DUOX1: variants seen among roughly 807,000 people sequenced by gnomAD.
The protein encoded by DUOX1 is NADPH thyroid oxidase 1.
In DUOX1, 134 loss-of-function variants were observed where a neutral mutation model predicts 181.8. The ratio of observed to expected loss-of-function variants is 0.74; its 90% CI spans 0.64 to 0.85. The LOEUF (loss-of-function observed/expected upper bound fraction) is 0.85. Among genes scored for constraint, DUOX1 ranks in the 40% least tolerant of loss-of-function variants. DUOX1 has a pLI of 0.00. For missense variants in DUOX1, 1,814 were observed against 2,064.4 expected (o/e 0.88, Z 2.35); for synonymous variants, 798 against 832.5 (o/e 0.96, Z 0.71).
intron 28 of DUOX1, among the ~76,000 whole-genome samples, chr15:45,158,732 A>C (rs1298969679): frequency 1.4e-5 from 2 of 138,000 alleles, no homozygotes; most frequent in African/African-American, 5.3e-5. Flanking sequence ...AAAAAAAAGC[A>C]GCTATCTGTG....
chr15:45,144,217 C>A lies in DUOX1; in HGVS notation c.2118C>A (p.Ile706=), dbSNP rs745746713. Residue 706 remains isoleucine (I), a synonymous_variant, in exon 17 of 34, where the codon ATC becomes ATA. Transcript: ENST00000389037. ...GACGCCGCACTCTGCTGCTCAAGAT[C>A]CCCAAGGAGTATGACCTGGTATGGC... is the stretch of plus-strand genomic sequence containing the variant. ...NRGRRTLLLK[I]PKEYDLVLLF... is the part of the protein sequence containing the mutation. The A allele has an allele frequency of 3.1e-6, 5 of 1,614,076 alleles. No individual in the cohort carries two copies. The highest frequency in any genetic ancestry group is 3.4e-6 in the Non-Finnish European group (4 of 1,180,052).
intron 12 of DUOX1, chr15:45,139,981 C>T: frequency 1.1e-6 from 1 of 947,504 alleles, no homozygotes; most frequent in South Asian, 1.3e-5. Flanking sequence ...CTGTTACACC[C>T]TGAGCTACCA....
intron 33 of DUOX1, among the ~76,000 whole-genome samples, chr15:45,164,465 C>CTT (rs367822535): frequency 7.1e-6 from 1 of 141,760 alleles, no homozygotes; most frequent in African/African-American, 2.6e-5. Flanking sequence ...GCACTGCTGG[C>CTT]TTTTTTTTTT....
chr15:45,152,472 T>TGGACTTCCATCGCCTCATTGCCTCCAC lies in DUOX1; in HGVS notation c.3381_3407dup (p.Asp1128_Thr1136dup), dbSNP rs1896842299. Reference sequence around the variant, plus strand: ...CGCTACGTGCCCTTCGACGCCGCCGTGGACTTCCATCGCCTCATTGCCTCC... The same window carrying TGGACTTCCATCGCCTCATTGCCTCCAC: ...CGCTACGTGCCCTTCGACGCCGCCGTGGACTTCCATCGCCTCATTGCCTCCACGGACTTCCATCGCCTCATTGCCTCC... On this transcript the variant is annotated inframe_insertion, in exon 25 of 34. Coordinates refer to ENST00000389037, the MANE Select transcript of DUOX1 (RefSeq NM_175940.3). 15 of 1,614,022 alleles carry TGGACTTCCATCGCCTCATTGCCTCCAC rather than the reference T, an allele frequency of 9.3e-6. No homozygotes were observed. The highest frequency in any genetic ancestry group is 1.7e-5 in the Admixed American group (1 of 60,008).
At position 45,160,983 on chromosome 15, in the gene DUOX1, G is replaced by T. The variant is rs1447955365; in HGVS notation, c.3849G>T (p.Leu1283=). ...TCAGCGTGGTGAAGGCGGAGCTGCT[G>T]CCCTCAGGTACCAGCCTGGCAGGAG... ...VEISVVKAEL[L]PSGVTHLRFQ... The change falls in exon 29 of 34, where the codon CTG becomes CTT. Residue 1283 remains leucine (L), a synonymous_variant. Transcript: ENST00000389037. 1.2e-6 allele frequency: 2 copies of T among 1,614,114 alleles called. No homozygotes were observed. The highest frequency in any genetic ancestry group is 1.7e-6 in the Non-Finnish European group (2 of 1,180,020).
At chr15:45,142,188 C>A in intron 15 of DUOX1, 76 bp downstream of exon 15, 1 of 1,502,000 alleles carries the variant, frequency 6.7e-7, no homozygotes, top group Non-Finnish European at 9.1e-7. Context: ...CCACTAATGA[C>A]AACAAACCAC....
At chr15:45,131,598 A>G in intron 1 of DUOX1, 1 of 264,790 alleles carries the variant, frequency 3.8e-6, no homozygotes, top group Non-Finnish European at 7.2e-6. Flanking sequence ...TAAGGAACAC[A>G]CTCTGCAGAG....
Position 45,155,802 on chromosome 15 carries a change from G to T in DUOX1, c.3575G>T (p.Gly1192Val). 2.5e-6 allele frequency: 4 copies of T among 1,613,594 alleles called. No individual in the cohort carries two copies. Among genetic ancestry groups the T allele is most frequent in the Non-Finnish European group, 3.4e-6 (4 of 1,180,004 alleles). Residue 1192 changes from glycine to valine, a missense_variant and splice_region_variant, in exon 28 of 34, where the codon GGC (glycine) becomes GTC (valine). This residue lies in a region of DUOX1 where 279 missense variants were observed against 381.9 expected (regional missense o/e 0.73). Transcript: ENST00000389037. ...YYWWFFQTVP[G>V]LTGVVLLLIL... ...CTTCCACCCTATATTCATTTTGCAG[G>T]CCTCACGGGGGTTGTGCTGCTCCTG...
chr15:45,163,459 T>C, intron 31 of DUOX1, 73 bp from the exon 32 acceptor site: 1 of 1,591,574 alleles, frequency 6.3e-7, no homozygotes, highest in Non-Finnish European at 8.6e-7. Flanking sequence ...AAGAGTTCTA[T>C]CAGTATGGAC....
At position 45,135,123 on chromosome 15, in the gene DUOX1, C is replaced by T. The variant is rs572808100; in HGVS notation, c.327C>T (p.Asp109=). 1 of 1,613,778 alleles carries T rather than the reference C, an allele frequency of 6.2e-7. No individual in the cohort carries two copies. Among genetic ancestry groups the T allele is most frequent in the South Asian group, 1.1e-5 (1 of 91,054 alleles). Residue 109 remains aspartate (D), a synonymous_variant, in exon 5 of 34, where the codon GAC becomes GAT. Transcript: ENST00000389037. ...CCGCAGGCTATCACGTGCTTTCAGA[C>T]CTGGTGAGCGTGGAAACTCCCGGCT... ...GVFFGYHVLS[D]LVSVETPGCP...
rs529247334 is a variant in DUOX1 at position 45,148,152 on chromosome 15, G to A, written c.2643-120G>A. 1.4e-3 allele frequency: 2,155 copies of A among 1,490,210 alleles called. 53 individuals carry two copies. The South Asian group carries it at 0.023, about 16-fold the overall frequency. 92.3% of individuals were successfully genotyped at this position (1,490,210 alleles called of 1,614,324 possible). A position where few individuals can be genotyped will look rare whatever the true frequency, so the allele number is the denominator to read the frequency against. On this transcript the variant is annotated intron_variant, in intron 20 of 33. Transcript: ENST00000389037. ...TTCAAACTAGCAGGGGGCTTGGGAT[G>A]TGGCCAGTCGGGGCCCCTCCACATG...
Position 45,140,889 on chromosome 15 carries a change from T to A in DUOX1, c.1390-6T>A, listed in dbSNP as rs749799934. ...TTCTCTTACTTCTGCCCCTTCTTGGTTCCAGGTACTGGAGGCCACAGCTGC... is the reference window on the plus strand; with the variant it reads ...TTCTCTTACTTCTGCCCCTTCTTGGATCCAGGTACTGGAGGCCACAGCTGC... On this transcript the variant is annotated splice_region_variant and splice_polypyrimidine_tract_variant and intron_variant, in intron 12 of 33. Coordinates refer to ENST00000389037, the MANE Select transcript of DUOX1 (RefSeq NM_175940.3). The A allele has an allele frequency of 6.2e-7, 1 of 1,612,914 alleles. No homozygotes were observed. The highest frequency in any genetic ancestry group is 8.5e-7 in the Non-Finnish European group (1 of 1,179,152).
At chr15:45,145,945 T>C (rs945895560) in intron 18 of DUOX1, among the ~76,000 whole-genome samples, 6 of 150,888 alleles carry the variant, frequency 4.0e-5, no homozygotes. Context: ...AAATACAGCA[T>C]GGTTCTCCCA....
chr15:45,146,841 T>C (rs1373678780), intron 18 of DUOX1, among the ~76,000 whole-genome samples: 2 of 152,220 alleles, frequency 1.3e-5, no homozygotes, highest in African/African-American at 2.4e-5. Flanking sequence ...TGTTCTCTCA[T>C]ACTGGGGAAG....
chr15:45,156,822 A>G (rs1199589691), intron 28 of DUOX1, among the ~76,000 whole-genome samples: 1 of 151,628 alleles, frequency 6.6e-6, no homozygotes, highest in African/African-American at 2.4e-5. Context: ...CTCCCTTCTC[A>G]TGTTCCCTTC....
At chr15:45,145,115 T>A (rs1442575354) in intron 18 of DUOX1, 35 bp downstream of exon 18, 12 of 1,541,252 alleles carry the variant, frequency 7.8e-6, no homozygotes, top group Non-Finnish European at 1.0e-5. Context: ...CCTTATGCTG[T>A]GGTGGTGTCC....
chr15:45,151,278 C>A, intron 23 of DUOX1, 30 bp downstream of exon 23: 1 of 1,606,254 alleles, frequency 6.2e-7, no homozygotes, highest in African/African-American at 1.3e-5. Flanking sequence ...TAAGCCCAGG[C>A]AGTTCATCCA....
chr15:45,164,643 T>TA (rs1290163820), intron 33 of DUOX1, 136 bp from the exon 34 acceptor site: 2 of 956,284 alleles, frequency 2.1e-6, no homozygotes, highest in Admixed American at 2.2e-5. Context: ...TAATTAAAAA[T>TA]AAAAAAATTA....
Position 45,148,305 on chromosome 15 carries a change from C to G in DUOX1, c.2676C>G (p.Ser892=). Residue 892 remains serine, a synonymous_variant, in exon 21 of 34, where the codon TCC becomes TCG. Coordinates refer to ENST00000389037, the MANE Select transcript of DUOX1 (RefSeq NM_175940.3). ...SFIEISNNCL[S]KAQLAEVVES... ...TCGAGATCTCCAACAACTGCCTGTCCAAGGCCCAGCTGGCTGAGGTGGTGG... is the reference window on the plus strand; with the variant it reads ...TCGAGATCTCCAACAACTGCCTGTCGAAGGCCCAGCTGGCTGAGGTGGTGG... 1 of 1,614,246 alleles carries G rather than the reference C, an allele frequency of 6.2e-7. No individual in the cohort carries two copies. Among genetic ancestry groups the G allele is most frequent in the South Asian group, 1.1e-5 (1 of 91,092 alleles).
Sources: gnomAD v4.1 joint callset for allele counts (sites outside exome capture counted in the v4.1 genomes callset) on GRCh38, gnomAD v4.1.1 for gene constraint, gnomAD v4.1.1 regional missense constraint, MANE v1.5 for transcripts, NCBI Gene and HGNC (gene_info 2026-07-23, HGNC 2026-07-21) for gene names.